Variants in KCNH5 observed in about 807,000 individuals in gnomAD.
The protein encoded by KCNH5 is potassium voltage-gated channel subfamily H member 5.
KCNH5 carries 46 observed loss-of-function variants against 96.1 expected under a neutral mutation model. That is an observed-to-expected ratio of 0.48 (90% CI 0.38 to 0.61). The LOEUF (loss-of-function observed/expected upper bound fraction) is 0.61, where lower values mean the gene tolerates loss of function less well. Among genes scored for constraint, KCNH5 ranks in the 20% least tolerant of loss-of-function variants. The probability of loss-of-function intolerance (pLI) is 0.00; values close to 1 mark genes in which losing one functional copy is unlikely to be tolerated. For missense variants in KCNH5, 907 were observed against 1,225.8 expected, an observed-to-expected ratio of 0.74 and a Z score of 3.88; for synonymous variants, 439 against 449.8, an observed-to-expected ratio of 0.98 and a Z score of 0.30.
chr14:62,726,080 T>A (rs1053605983), intron 10 of KCNH5, among the ~76,000 whole-genome samples: 2 of 152,142 alleles, frequency 1.3e-5, no homozygotes, highest in East Asian at 3.9e-4. Flanking sequence ...AAGTACCGGA[T>A]AAATGGAACA....
intron 7 of KCNH5, among the ~76,000 whole-genome samples, chr14:62,910,252 T>C (rs1889123626): frequency 6.6e-6 from 1 of 152,066 alleles, no homozygotes; most frequent in South Asian, 2.1e-4. Flanking sequence ...GCCTGTTTTA[T>C]TAAAGAAATA....
chr14:62,947,620 A>C (rs1377801147), intron 7 of KCNH5, among the ~76,000 whole-genome samples: 1 of 152,044 alleles, frequency 6.6e-6, no homozygotes, highest in African/African-American at 2.4e-5. Flanking sequence ...TTAACCTTTC[A>C]TGTTCCAGCA....
chr14:63,045,436 C>G lies in KCNH5; in HGVS notation c.-250G>C, dbSNP rs951183208. ...GCCGCTGCCCAGACTGTGGCGGTGC[C>G]GCACACGGGGCTCGGGAACTGCAGG... On this transcript the variant is annotated 5_prime_UTR_variant, in exon 1 of 11. Transcript: ENST00000322893. The G allele has an allele frequency of 9.5e-6, 5 of 523,774 alleles. No individual in the cohort carries two copies. Among genetic ancestry groups the G allele is most frequent in the African/African-American group, 7.7e-5 (4 of 52,164 alleles). The allele number at this position is 523,774 out of a possible 1,614,324, so 32.4% of individuals were successfully genotyped here. A position where few individuals can be genotyped will look rare whatever the true frequency, so the allele number is the denominator to read the frequency against.
chr14:62,921,059 T>C (rs1889372347), intron 7 of KCNH5, among the ~76,000 whole-genome samples: 1 of 152,162 alleles, frequency 6.6e-6, no homozygotes, highest in Admixed American at 6.6e-5. Flanking sequence ...TCTTTAGCTA[T>C]CCCAAAGTAC....
intron 9 of KCNH5, among the ~76,000 whole-genome samples, chr14:62,801,561 AT>A (rs1363255602): frequency 1.4e-5 from 2 of 139,590 alleles, no homozygotes; most frequent in Admixed American, 7.7e-5. Flanking sequence ...AACATGCAAC[AT>A]TTTTTATTTT....
Position 63,001,473 on chromosome 14 carries a change from A to C in KCNH5, c.305-14T>G, listed in dbSNP as rs1389542654. ...AAACAGGGGTTCCTGTAACAGAAAG[A>C]AGTTGGGGAAAGGACATTAGAGTGT... On this transcript the variant is annotated splice_polypyrimidine_tract_variant and intron_variant, in intron 3 of 10. Transcript: ENST00000322893. 6.2e-7 allele frequency: 1 copy of C among 1,605,382 alleles called. No homozygotes were observed. Among genetic ancestry groups the C allele is most frequent in the Non-Finnish European group, 8.5e-7 (1 of 1,176,148 alleles).
intron 10 of KCNH5, among the ~76,000 whole-genome samples, chr14:62,776,421 G>C (rs1021856546): frequency 6.6e-6 from 1 of 152,224 alleles, no homozygotes; most frequent in East Asian, 1.9e-4. Context: ...TTGCAAGCCA[G>C]GAAAAGAACC....
chr14:62,874,143 T>C (rs1742342482), intron 7 of KCNH5, among the ~76,000 whole-genome samples: 1 of 152,202 alleles, frequency 6.6e-6, no homozygotes, highest in Admixed American at 6.5e-5. Context: ...GGACACTTTG[T>C]ATATCTGTTT....
At chr14:62,949,927 G>A in intron 7 of KCNH5, 1 of 501,030 alleles carries the variant, frequency 2.0e-6, no homozygotes, top group Non-Finnish European at 3.6e-6. Context: ...ACATTAATAT[G>A]TTTTTCACAC....
intron 8 of KCNH5, among the ~76,000 whole-genome samples, chr14:62,829,595 G>A (rs75622398): frequency 0.1 from 15,313 of 152,190 alleles, 1,071 homozygotes; most frequent in East Asian, 0.3. Flanking sequence ...TGGAGTTGGA[G>A]TATCTGGGAT....
chr14:63,045,228 G>A lies in KCNH5; in HGVS notation c.-42C>T, dbSNP rs374491950. 2,203 of 1,458,862 alleles carry A rather than the reference G, an allele frequency of 1.5e-3. 3 individuals carry two copies. Among genetic ancestry groups the A allele is most frequent in the Non-Finnish European group, 2.0e-3 (2,099 of 1,043,684 alleles). The allele number at this position is 1,458,862 out of a possible 1,614,324, so 90.4% of individuals were successfully genotyped here. On this transcript the variant is annotated 5_prime_UTR_variant, in exon 1 of 11. Coordinates refer to ENST00000322893, the MANE Select transcript of KCNH5 (RefSeq NM_139318.5). Reference sequence around the variant, plus strand: ...AGCGGCCAGGATCCGCGGCGGGGGAGGGGGGGATGCAGGCAAAGAAGGTGG... The same window carrying A: ...AGCGGCCAGGATCCGCGGCGGGGGAAGGGGGGATGCAGGCAAAGAAGGTGG...
In KCNH5 at chr14:62,710,744, G is replaced by A. The variant is rs575994068; in HGVS notation, c.2020-2289C>T. ...AAATGGAACCGTTTCAAAGTCAGTGGAGTGTGACAAGTGGTAGGCACACAG... is the reference window on the plus strand; with the variant it reads ...AAATGGAACCGTTTCAAAGTCAGTGAAGTGTGACAAGTGGTAGGCACACAG... On this transcript the variant is annotated intron_variant, in intron 10 of 10. Transcript: ENST00000322893. Among the ~76,000 whole-genome samples, 12 of 152,304 alleles carry A rather than the reference G, an allele frequency of 7.9e-5. No homozygotes were observed. In the East Asian group the frequency reaches 2.3e-3, roughly 29 times the overall value.
intron 9 of KCNH5, among the ~76,000 whole-genome samples, chr14:62,787,919 C>T (rs2139984927): frequency 6.6e-6 from 1 of 152,258 alleles, no homozygotes; most frequent in East Asian, 1.9e-4. Flanking sequence ...CACCCAAGAG[C>T]TCTAATGAAG....
intron 9 of KCNH5, among the ~76,000 whole-genome samples, chr14:62,785,963 T>G (rs1365310898): frequency 6.6e-6 from 1 of 152,072 alleles, no homozygotes; most frequent in African/African-American, 2.4e-5. Context: ...GAGGCCAAGG[T>G]GGGCAGATCA....
At chr14:62,744,000 C>T (rs1885325977) in intron 10 of KCNH5, among the ~76,000 whole-genome samples, 1 of 152,136 alleles carries the variant, frequency 6.6e-6, no homozygotes, top group Admixed American at 6.6e-5. Flanking sequence ...CATCTATCAG[C>T]TTTGAACTCT....
chr14:62,865,938 C>A (rs1888126639), intron 7 of KCNH5, among the ~76,000 whole-genome samples: 1 of 152,072 alleles, frequency 6.6e-6, no homozygotes, highest in African/African-American at 2.4e-5. Context: ...AAGATTGGAT[C>A]TTTTAAAGAG....
At chr14:62,733,063 A>C (rs78938005) in intron 10 of KCNH5, among the ~76,000 whole-genome samples, 4,882 of 152,218 alleles carry the variant, frequency 0.032, 137 homozygotes, top group South Asian at 0.083. Flanking sequence ...TAGGAAAACC[A>C]TAAGGACTGT....
chr14:62,715,405 T>C (rs1884662927), intron 10 of KCNH5, among the ~76,000 whole-genome samples: 1 of 152,206 alleles, frequency 6.6e-6, no homozygotes, highest in Non-Finnish European at 1.5e-5. Context: ...GTTGGTTTGA[T>C]TCTTTGGTTC....
intron 7 of KCNH5, among the ~76,000 whole-genome samples, chr14:62,915,893 G>C (rs988396705): frequency 6.6e-6 from 1 of 151,906 alleles, no homozygotes; most frequent in African/African-American, 2.4e-5. Flanking sequence ...TGAGTGACTT[G>C]CCAAAGTCAC....
Sources: allele counts gnomAD v4.1 joint callset (sites outside exome capture counted in the v4.1 genomes callset), GRCh38; gene constraint gnomAD v4.1.1; transcripts MANE v1.5; gene names NCBI Gene and HGNC (gene_info 2026-07-23, HGNC 2026-07-21).